Variants in ANKRD36 observed in about 807,000 individuals in gnomAD.
ANKRD36 encodes ankyrin repeat domain-containing protein 36A.
A neutral mutation model predicts 278.1 loss-of-function variants in ANKRD36; 179 were observed. The ratio of observed to expected loss-of-function variants is 0.64; its 90% CI spans 0.57 to 0.73. The LOEUF is 0.73. ANKRD36 is among the 30% of genes least tolerant of loss of function. ANKRD36 has a pLI of 0.00. For missense variants in ANKRD36, 1,159 were observed against 1,956.7 expected, an observed-to-expected ratio of 0.59 and a Z score of 7.69; for synonymous variants, 320 against 641.1, an observed-to-expected ratio of 0.50 and a Z score of 7.57.
In ANKRD36 at chr2:97,113,805, A is replaced by C. The variant is rs376582200; in HGVS notation, c.66A>C (p.Ala22=). ...LMERLCSDGF[A]FPQYPIKPYH... Reference sequence around the variant, plus strand: ...AGCGCTTGTGCTCGGATGGCTTCGCATTTCCCCAATACCCCATTAAACCGT... The same window carrying C: ...AGCGCTTGTGCTCGGATGGCTTCGCCTTTCCCCAATACCCCATTAAACCGT... Residue 22 remains alanine (A), a synonymous_variant, in exon 1 of 76, where the codon GCA becomes GCC. Coordinates refer to ENST00000420699, the MANE Select transcript of ANKRD36 (RefSeq NM_001354587.1). 6.2e-7 allele frequency: 1 copy of C among 1,612,844 alleles called. No homozygotes were observed. The highest frequency in any genetic ancestry group is 8.5e-7 in the Non-Finnish European group (1 of 1,180,004).
chr2:97,180,340 G>A (rs2055793702), intron 24 of ANKRD36, among the ~76,000 whole-genome samples: 2 of 151,582 alleles, frequency 1.3e-5, no homozygotes, highest in Non-Finnish European at 2.9e-5. Context: ...CATAAACACT[G>A]TAGAACGAGA....
In ANKRD36 at chr2:97,118,375, C is replaced by G; in HGVS notation, c.344C>G (p.Thr115Ser). 1 of 1,609,656 alleles carries G rather than the reference C, an allele frequency of 6.2e-7. No individual in the cohort carries two copies. The highest frequency in any genetic ancestry group is 8.5e-7 in the Non-Finnish European group (1 of 1,178,244). ...AVQLRQEACATLLLQNGANPN... is the reference protein window; with the variant it reads ...AVQLRQEACASLLLQNGANPN... ...CAACTGAGGCAGGAGGCTTGTGCAA[C>G]TCTTCTGCTGCAAAATGGCGCCAAT... The change falls in exon 3 of 76, where the codon ACT becomes AGT. Residue 115 changes from threonine to serine, a missense_variant. By Grantham distance (58) the Thr-to-Ser change is moderately conservative (BLOSUM62 1). Transcript: ENST00000420699.
chr2:97,139,233 T>G (rs1471124731), intron 6 of ANKRD36, among the ~76,000 whole-genome samples: 3 of 151,998 alleles, frequency 2.0e-5, no homozygotes, highest in Admixed American at 6.6e-5. Context: ...GCTGTTATGG[T>G]CTTAGGGTTC....
intron 46 of ANKRD36, 53 bp from the exon 47 acceptor site, chr2:97,202,149 A>C: frequency 1.9e-6 from 3 of 1,604,878 alleles, no homozygotes; most frequent in Non-Finnish European, 2.5e-6. Context: ...GAATGTATGG[A>C]AATCTTTGTC....
chr2:97,231,948 G>A (rs566247856), intron 67 of ANKRD36, among the ~76,000 whole-genome samples: 469 of 152,144 alleles, frequency 3.1e-3, no homozygotes, highest in African/African-American at 0.01. Flanking sequence ...AGTACCACAA[G>A]TCATCTCCTA....
Position 97,224,453 on chromosome 2 carries a change from T to G in ANKRD36, c.3878-353T>G, listed in dbSNP as rs1206635227. On this transcript the variant is annotated intron_variant, in intron 66 of 75. Coordinates refer to ENST00000420699, the MANE Select transcript of ANKRD36 (RefSeq NM_001354587.1). The stretch of plus-strand genomic sequence containing the variant: ...ATCGTTTTGTTTTTTTGTTTTTTTG[T>G]TTTTTTTTTTTTGAGACACAGTCTC... Among the ~76,000 whole-genome samples the G allele has an allele frequency of 1.6e-4, 17 of 106,564 alleles. 1 individual carries two copies. The East Asian group carries it at 0.011, about 70-fold the overall frequency. The allele number at this position is 106,564 out of a possible 152,430, so 69.9% of individuals were successfully genotyped here.
chr2:97,244,004 A>G lies in ANKRD36; in HGVS notation c.4466A>G (p.Lys1489Arg). The change falls in exon 70 of 76, where the codon AAG (lysine) becomes AGG (arginine). Residue 1489 changes from lysine (K) to arginine (R), a missense_variant. Transcript: ENST00000420699. The part of the protein sequence containing the change: ...PALKSAEVEL[K>R]TGGNNSNQVS... The stretch of plus-strand genomic sequence containing the variant: ...CTCAAATCAGCAGAGGTGGAATTGA[A>G]GACAGGAGGAAATAATTCAAATCAG... The G allele has an allele frequency of 6.3e-7, 1 of 1,594,704 alleles. No individual in the cohort carries two copies. The highest frequency in any genetic ancestry group is 8.5e-7 in the Non-Finnish European group (1 of 1,172,030).
intron 50 of ANKRD36, among the ~76,000 whole-genome samples, chr2:97,205,461 C>T (rs1333306892): frequency 6.6e-6 from 1 of 151,530 alleles, no homozygotes; most frequent in East Asian, 1.9e-4. Context: ...GTAAGTTCAA[C>T]TGAAGCATCA....
chr2:97,232,112 G>A (rs2072351966), intron 67 of ANKRD36, among the ~76,000 whole-genome samples: 1 of 151,996 alleles, frequency 6.6e-6, no homozygotes, highest in South Asian at 2.1e-4. Context: ...TGATTTGGGA[G>A]TAGGTAAACA....
At chr2:97,160,926 G>A (rs934173356) in intron 17 of ANKRD36, among the ~76,000 whole-genome samples, 11 of 151,944 alleles carry the variant, frequency 7.2e-5, no homozygotes, top group African/African-American at 2.7e-4. Flanking sequence ...AGAAATAAAT[G>A]TCTGCATACA....
Position 97,206,044 on chromosome 2 carries a change from T to C in ANKRD36, c.3091-19T>C, listed in dbSNP as rs4907270. 54 of 1,546,916 alleles carry C rather than the reference T, an allele frequency of 3.5e-5. No individual in the cohort carries two copies. In the African/African-American group the frequency reaches 5.4e-4, roughly 15 times the overall value. On this transcript the variant is annotated intron_variant, in intron 51 of 75. Transcript: ENST00000420699. ...AACATACTTTATTTATTTATTATTT[T>C]GTTTCAAATTCCATTCAGGCTACAA...
intron 66 of ANKRD36, among the ~76,000 whole-genome samples, 185 bp downstream of exon 66, chr2:97,219,431 T>C (rs1039852244): frequency 2.0e-5 from 3 of 152,118 alleles, no homozygotes; most frequent in Admixed American, 1.3e-4. Flanking sequence ...ATAAAGAAAA[T>C]ATATTTTTAA....
chr2:97,191,763 T>C (rs1340568545), intron 36 of ANKRD36, among the ~76,000 whole-genome samples: 1 of 151,704 alleles, frequency 6.6e-6, no homozygotes, highest in Non-Finnish European at 1.5e-5. Flanking sequence ...ATATTTGATT[T>C]TGGCAGCACA....
intron 32 of ANKRD36, among the ~76,000 whole-genome samples, chr2:97,188,402 T>C (rs1341197144): frequency 1.3e-5 from 2 of 151,678 alleles, no homozygotes; most frequent in African/African-American, 4.8e-5. Flanking sequence ...ATATTTTTAT[T>C]GAGGCTGATA....
chr2:97,157,275 A>G (rs2860538), intron 15 of ANKRD36, among the ~76,000 whole-genome samples: 125,308 of 146,134 alleles, frequency 0.86, 55,313 homozygotes, highest in African/African-American at 0.94. Context: ...AAATTGTCGA[A>G]TAAATGCTAA....
At chr2:97,147,105 C>T (rs1485047779) in intron 11 of ANKRD36, among the ~76,000 whole-genome samples, 2 of 151,828 alleles carry the variant, frequency 1.3e-5, no homozygotes, top group Admixed American at 1.3e-4. Flanking sequence ...TATTATTTTA[C>T]TGTGCATGGA....
intron 5 of ANKRD36, among the ~76,000 whole-genome samples, chr2:97,125,026 A>G: frequency 6.6e-6 from 1 of 151,722 alleles, no homozygotes; most frequent in East Asian, 1.9e-4. Flanking sequence ...TGATCATGGA[A>G]TTTTTCAAGA....
In ANKRD36 at chr2:97,181,734, A is replaced by G; in HGVS notation, c.1778A>G (p.Glu593Gly). 6.2e-7 allele frequency: 1 copy of G among 1,609,264 alleles called. No individual in the cohort carries two copies. The highest frequency in any genetic ancestry group is 8.5e-7 in the Non-Finnish European group (1 of 1,178,294). The change falls in exon 26 of 76, where the codon GAG (glutamate) becomes GGG (glycine). Residue 593 changes from glutamate to glycine, a missense_variant. Glu to Gly is a moderately conservative substitution (Grantham distance 98). Coordinates refer to ENST00000420699, the MANE Select transcript of ANKRD36 (RefSeq NM_001354587.1). ...AATCCCATTCAGGCTACAAGTGACG[A>G]GAAAGATTCTGTTTCAAATATAGCC... ...KQPAEKATSDEKDSVSNIATE... is the reference protein window; with the variant it reads ...KQPAEKATSDGKDSVSNIATE...
At chr2:97,196,244 C>A (rs1373888335) in intron 40 of ANKRD36, among the ~76,000 whole-genome samples, 1 of 151,980 alleles carries the variant, frequency 6.6e-6, no homozygotes, top group Admixed American at 6.6e-5. Context: ...TCATGTAGCA[C>A]CTGCTTTGAC....
Sources: allele counts gnomAD v4.1 joint callset (sites outside exome capture counted in the v4.1 genomes callset), GRCh38; gene constraint gnomAD v4.1.1; transcripts MANE v1.5; gene names NCBI Gene and HGNC (gene_info 2026-07-23, HGNC 2026-07-21).